Variants in TNFSF4 observed in about 807,000 individuals in gnomAD.
The protein encoded by TNFSF4 is TNF superfamily member 4.
A neutral mutation model predicts 7.3 loss-of-function variants in TNFSF4; 4 were observed. The ratio of observed to expected loss-of-function variants is 0.55; its 90% confidence interval spans 0.27 to 1.25. TNFSF4 has a LOEUF of 1.25. TNFSF4 is among the 50% of genes most tolerant of loss of function. The pLI is 0.12. For synonymous variants in TNFSF4, 76 were observed against 83.7 expected (o/e 0.91, Z 0.50); for missense variants, 181 against 208.8 (o/e 0.87, Z 0.82).
At chr1:173,407,012 T>A in the TNFSF4 span, among the ~76,000 whole-genome samples, 2 of 151,982 alleles carry the variant, frequency 1.3e-5, no homozygotes, top group African/African-American at 4.8e-5. Context: ...AGGCAGGATA[T>A]TACAGCAGCA....
At position 173,185,473 on chromosome 1, in the gene TNFSF4, GC is replaced by G. The variant is rs1455118741; in HGVS notation, c.*1042del. 2.6e-5 allele frequency: 4 copies of G among 152,088 alleles called. No individual in the cohort carries two copies. The highest frequency in any genetic ancestry group is 5.9e-5 in the Non-Finnish European group (4 of 68,006). 9.4% of individuals were successfully genotyped at this position (152,088 alleles called of 1,614,324 possible). A position where few individuals can be genotyped will look rare whatever the true frequency, so the allele number is the denominator to read the frequency against. On this transcript the variant is annotated 3_prime_UTR_variant, in exon 3 of 3. Coordinates refer to ENST00000281834, the MANE Select transcript of TNFSF4 (RefSeq NM_003326.5). ...GACAGAGATCATTATTTTTCATAAG[GC>G]ACAATAACTTCTTAGTGCTATTTGA...
At chr1:173,380,164 T>C in the TNFSF4 span, among the ~76,000 whole-genome samples, 1 of 152,334 alleles carries the variant, frequency 6.6e-6, no homozygotes, top group East Asian at 1.9e-4. Context: ...GTATTTCTCC[T>C]GCCTCCTCAG....
intron 2 of TNFSF4, among the ~76,000 whole-genome samples, chr1:173,187,879 C>G (rs1164672658): frequency 2.6e-5 from 4 of 152,166 alleles, no homozygotes; most frequent in Non-Finnish European, 5.9e-5. Flanking sequence ...AGAATAGGTC[C>G]CCACCGCTAG....
At chr1:173,305,703 A>G in the TNFSF4 span, among the ~76,000 whole-genome samples, 1 of 151,824 alleles carries the variant, frequency 6.6e-6, no homozygotes, top group Non-Finnish European at 1.5e-5. Context: ...TAAAAAAAAA[A>G]AGGGAAGTTT....
chr1:173,371,379 T>C, the TNFSF4 span, among the ~76,000 whole-genome samples: 2 of 152,298 alleles, frequency 1.3e-5, no homozygotes, highest in Middle Eastern at 6.8e-3. Flanking sequence ...CTATTATCTA[T>C]ATGAATATGA....
intron 1 of TNFSF4, among the ~76,000 whole-genome samples, chr1:173,199,781 C>A (rs1157338647): frequency 6.6e-6 from 1 of 152,024 alleles, no homozygotes; most frequent in Non-Finnish European, 1.5e-5. Flanking sequence ...TTAAGTAATT[C>A]TTTGAATCAG....
the TNFSF4 span, among the ~76,000 whole-genome samples, chr1:173,399,139 T>A: frequency 6.6e-6 from 1 of 152,262 alleles, no homozygotes; most frequent in East Asian, 1.9e-4. Flanking sequence ...GTGATGTGTA[T>A]GGGACTGGGT....
At chr1:173,346,566 A>C in the TNFSF4 span, among the ~76,000 whole-genome samples, 2,809 of 152,258 alleles carry the variant, frequency 0.018, 95 homozygotes, top group African/African-American at 0.065. Context: ...AAGTGATGAA[A>C]ATGAGAGTCT....
the TNFSF4 span, chr1:173,417,704 ACT>A: frequency 6.6e-6 from 1 of 151,778 alleles, no homozygotes; most frequent in South Asian, 2.1e-4. Flanking sequence ...TTTTAGTACT[ACT>A]CCATCCTTTA....
At chr1:173,448,756 C>A in the TNFSF4 span, among the ~76,000 whole-genome samples, 1 of 152,118 alleles carries the variant, frequency 6.6e-6, no homozygotes, top group Non-Finnish European at 1.5e-5. Context: ...TAAGGCGGGG[C>A]AGGGCATTTT....
chr1:173,196,343 C>T (rs558377679), intron 1 of TNFSF4, among the ~76,000 whole-genome samples: 1 of 152,290 alleles, frequency 6.6e-6, no homozygotes, highest in South Asian at 2.1e-4. Flanking sequence ...ACTTAATGAA[C>T]ACAAAGAAAA....
chr1:173,373,488 C>T, the TNFSF4 span, among the ~76,000 whole-genome samples: 1 of 152,172 alleles, frequency 6.6e-6, no homozygotes, highest in African/African-American at 2.4e-5. Context: ...GGGAAAAGTA[C>T]TCATACCCCA....
At chr1:173,396,714 C>A in the TNFSF4 span, among the ~76,000 whole-genome samples, 3 of 152,090 alleles carry the variant, frequency 2.0e-5, no homozygotes, top group Non-Finnish European at 4.4e-5. Context: ...ATATATCACA[C>A]CTGCATTGGT....
chr1:173,405,871 A>G, the TNFSF4 span, among the ~76,000 whole-genome samples: 1 of 152,366 alleles, frequency 6.6e-6, no homozygotes, highest in South Asian at 2.1e-4. Context: ...AGAACTAGTA[A>G]CTAAACCAGT....
the TNFSF4 span, among the ~76,000 whole-genome samples, chr1:173,216,163 A>T: frequency 6.6e-6 from 1 of 152,306 alleles, no homozygotes; most frequent in East Asian, 1.9e-4. Flanking sequence ...ATCTTAAAAC[A>T]TACATGAGTT....
chr1:173,252,112 T>C, the TNFSF4 span, among the ~76,000 whole-genome samples: 3 of 152,078 alleles, frequency 2.0e-5, no homozygotes, highest in Admixed American at 6.6e-5. Context: ...ATAGATGGTT[T>C]TAGTTGGCTA....
chr1:173,183,032 G>A (rs73038106), downstream of TNFSF4, among the ~76,000 whole-genome samples: 8,041 of 152,182 alleles, frequency 0.053, 733 homozygotes, highest in African/African-American at 0.18. Context: ...GAAATTTCCC[G>A]ATATTTAAAT....
chr1:173,431,398 G>C, the TNFSF4 span, among the ~76,000 whole-genome samples: 1 of 152,232 alleles, frequency 6.6e-6, no homozygotes, highest in Admixed American at 6.5e-5. Flanking sequence ...ACTGGGACGG[G>C]ATTTGTTAGT....
At chr1:173,281,671 C>G in the TNFSF4 span, among the ~76,000 whole-genome samples, 1 of 152,094 alleles carries the variant, frequency 6.6e-6, no homozygotes, top group Non-Finnish European at 1.5e-5. Flanking sequence ...GATCAATGTT[C>G]TCAAGATCAA....
Sources: gnomAD v4.1 joint callset for allele counts (sites outside exome capture counted in the v4.1 genomes callset) on GRCh38, gnomAD v4.1.1 for gene constraint, MANE v1.5 for transcripts, NCBI Gene and HGNC (gene_info 2026-07-23, HGNC 2026-07-21) for gene names.